The following KLHL29 variants were observed in gnomAD, a reference collection of about 807,000 sequenced individuals.
KLHL29 encodes kelch-like protein 29.
In KLHL29, 21 loss-of-function variants were observed where a neutral mutation model predicts 80.4. The observed-to-expected ratio is 0.26, with a 90% CI of 0.19 to 0.38. The LOEUF (loss-of-function observed/expected upper bound fraction) is 0.38. KLHL29 is among the 10% of genes least tolerant of loss of function. The probability of loss-of-function intolerance (pLI) is 1.00; values close to 1 mark genes in which losing one functional copy is unlikely to be tolerated. For synonymous variants in KLHL29, 511 were observed against 526.8 expected (o/e 0.97, Z 0.41); for missense variants, 867 against 1,223.9 (o/e 0.71, Z 4.35).
intron 2 of KLHL29, among the ~76,000 whole-genome samples, chr2:23,478,065 C>T (rs925430042): frequency 6.6e-6 from 1 of 152,120 alleles, no homozygotes; most frequent in African/African-American, 2.4e-5. Flanking sequence ...CCTATGTGGG[C>T]CTCTATCTCT....
At chr2:23,403,644 TTAA>T (rs1175829034) in intron 1 of KLHL29, among the ~76,000 whole-genome samples, 1 of 151,778 alleles carries the variant, frequency 6.6e-6, no homozygotes, top group Non-Finnish European at 1.5e-5. Flanking sequence ...TTGCAATTTA[TTAA>T]TAATAATGAT....
intron 5 of KLHL29, among the ~76,000 whole-genome samples, chr2:23,653,097 A>G (rs1309503377): frequency 2.6e-5 from 4 of 152,214 alleles, no homozygotes; most frequent in Non-Finnish European, 5.9e-5. Context: ...ACTCCCGAGC[A>G]GCAACCCGTC....
At chr2:23,652,245 A>G (rs952050096) in intron 5 of KLHL29, among the ~76,000 whole-genome samples, 5 of 152,222 alleles carry the variant, frequency 3.3e-5, no homozygotes, top group African/African-American at 1.2e-4. Flanking sequence ...TATATTTCCC[A>G]TGATTAGCAT....
At chr2:23,547,960 GAA>G (rs969268393) in intron 2 of KLHL29, among the ~76,000 whole-genome samples, 19 of 152,258 alleles carry the variant, frequency 1.2e-4, no homozygotes, top group Admixed American at 9.8e-4. Context: ...ATGCCACTGG[GAA>G]AAGAGAGTGG....
At position 23,637,906 on chromosome 2, in the gene KLHL29, G is replaced by A. The variant is rs147056529; in HGVS notation, c.286-1233G>A. On this transcript the variant is annotated intron_variant, in intron 3 of 13. Coordinates refer to ENST00000486442, the MANE Select transcript of KLHL29 (RefSeq NM_052920.2). ...CTGTGACTGTTCCTGGCAGGCATCC[G>A]TATCCACCCCTCATCCCACACCTGG... 4.1e-3 allele frequency among the ~76,000 whole-genome samples: 629 copies of A among 152,136 alleles called. 2 individuals are homozygous for A. The highest frequency in any genetic ancestry group is 7.1e-3 in the Non-Finnish European group (482 of 67,960).
rs183385852 is a variant in KLHL29 at position 23,596,128 on chromosome 2, G to C, written c.285+33647G>C. 6.6e-6 allele frequency among the ~76,000 whole-genome samples: 1 copy of C among 152,172 alleles called. No homozygotes were observed. The highest frequency in any genetic ancestry group is 2.4e-5 in the African/African-American group (1 of 41,430). On this transcript the variant is annotated intron_variant, in intron 3 of 13. Transcript: ENST00000486442. This position sits in a 1 kb window ranked among gnomAD's most constrained non-coding sequence, Gnocchi z 4.4. ...GCTGGGTCTGTTGGTGGTTTGAACT[G>C]AGCCGCATACAATAGAGCACCCTCG...
intron 3 of KLHL29, among the ~76,000 whole-genome samples, chr2:23,565,923 G>A (rs577182926): frequency 5.9e-5 from 9 of 152,328 alleles, no homozygotes; most frequent in South Asian, 4.1e-4. Flanking sequence ...TGAACATCAC[G>A]TGCCCTGGGG....
chr2:23,535,489 G>T (rs1200243674), intron 2 of KLHL29, among the ~76,000 whole-genome samples: 5 of 152,222 alleles, frequency 3.3e-5, no homozygotes. Flanking sequence ...AAAGGTAGAA[G>T]CAACTCAGGT....
At chr2:23,429,850 C>G (rs1391496558) in intron 1 of KLHL29, among the ~76,000 whole-genome samples, 1 of 151,764 alleles carries the variant, frequency 6.6e-6, no homozygotes, top group African/African-American at 2.4e-5. Flanking sequence ...ACAGCTACCA[C>G]TATCATTTTG....
chr2:23,416,430 G>A (rs543271061), intron 1 of KLHL29, among the ~76,000 whole-genome samples: 2 of 152,248 alleles, frequency 1.3e-5, no homozygotes, highest in African/African-American at 2.4e-5. Flanking sequence ...CTAGCAAAAG[G>A]CAAGTGATAC....
intron 3 of KLHL29, among the ~76,000 whole-genome samples, chr2:23,601,341 G>A (rs182525949): frequency 1.1e-4 from 16 of 152,322 alleles, no homozygotes; most frequent in Admixed American, 9.1e-4. Flanking sequence ...TGAAATGTCT[G>A]TATTCAGTGA....
intron 3 of KLHL29, among the ~76,000 whole-genome samples, chr2:23,597,180 A>G (rs1354386623): frequency 6.6e-6 from 1 of 151,178 alleles, no homozygotes; most frequent in Non-Finnish European, 1.5e-5. Context: ...AGGTAGAGAG[A>G]TTGAGGTCAC....
At chr2:23,470,784 C>T (rs1298849865) in intron 1 of KLHL29, among the ~76,000 whole-genome samples, 1 of 152,216 alleles carries the variant, frequency 6.6e-6, no homozygotes, top group Non-Finnish European at 1.5e-5. Context: ...TCATGACTTA[C>T]TCCATCTTTG....
chr2:23,643,193 G>A (rs1230020214), intron 5 of KLHL29: 3 of 468,458 alleles, frequency 6.4e-6, no homozygotes, highest in African/African-American at 2.0e-5. Context: ...GCAAAAGGGT[G>A]AGAGTCATCC....
chr2:23,690,554 G>C (rs1044564663), intron 6 of KLHL29: 8 of 152,372 alleles, frequency 5.3e-5, no homozygotes, highest in Admixed American at 3.9e-4. Flanking sequence ...CGAGTGAGTG[G>C]ACCACAGAGG....
chr2:23,491,657 G>A (rs1485259018), intron 2 of KLHL29, among the ~76,000 whole-genome samples: 1 of 152,032 alleles, frequency 6.6e-6, no homozygotes, highest in Admixed American at 6.5e-5. Context: ...CCAGCCCTCC[G>A]GGTGCTACTG....
intron 3 of KLHL29, among the ~76,000 whole-genome samples, chr2:23,615,155 C>T (rs1558409282): frequency 6.6e-6 from 1 of 152,220 alleles, no homozygotes; most frequent in Non-Finnish European, 1.5e-5. Context: ...TGTGGGTCTG[C>T]GATGAGCCAG....
rs555344320 is a variant in KLHL29, at chr2:23,573,109, G to T, written c.285+10628G>T. ...TGAGCCCGGATGATGAAGCTGTGTC[G>T]GGGGCGCAGATTTTACATCATTGGA... On this transcript the variant is annotated intron_variant, in intron 3 of 13. Coordinates refer to ENST00000486442, the MANE Select transcript of KLHL29 (RefSeq NM_052920.2). Among the ~76,000 whole-genome samples the T allele has an allele frequency of 1.9e-3, 295 of 152,296 alleles. 2 individuals are homozygous for T. Among genetic ancestry groups the T allele is most frequent in the Non-Finnish European group, 2.7e-3 (182 of 68,026 alleles).
chr2:23,595,467 C>T (rs1399620962), intron 3 of KLHL29, among the ~76,000 whole-genome samples: 2 of 152,354 alleles, frequency 1.3e-5, no homozygotes, highest in African/African-American at 4.8e-5. Flanking sequence ...CCTACCTGCC[C>T]TCTCTGTGCC....
Sources: allele counts gnomAD v4.1 joint callset (sites outside exome capture counted in the v4.1 genomes callset), GRCh38; gene constraint gnomAD v4.1.1; non-coding constraint Gnocchi (gnomAD v3.1); transcripts MANE v1.5; gene names NCBI Gene and HGNC (gene_info 2026-07-23, HGNC 2026-07-21).